TMTC2: variants seen among roughly 807,000 people sequenced by gnomAD.
TMTC2 encodes the protein protein O-mannosyl-transferase TMTC2.
TMTC2 carries 43 observed loss-of-function variants against 82.4 expected under a neutral mutation model. The ratio of observed to expected loss-of-function variants is 0.52; its 90% CI spans 0.41 to 0.67. The LOEUF is 0.67. Among genes scored for constraint, TMTC2 ranks in the 30% least tolerant of loss-of-function variants. TMTC2 has a pLI of 0.00. For synonymous variants in TMTC2, 408 were observed against 381.9 expected, an observed-to-expected ratio of 1.07 and a Z score of -0.80; for missense variants, 919 against 1,012.4, an observed-to-expected ratio of 0.91 and a Z score of 1.25.
intron 2 of TMTC2, among the ~76,000 whole-genome samples, chr12:82,888,691 G>T (rs548876415): frequency 2.0e-5 from 3 of 152,240 alleles, no homozygotes; most frequent in Non-Finnish European, 1.5e-5. Context: ...AAGTTTGAGG[G>T]TCAGACTTAG....
intron 8 of TMTC2, among the ~76,000 whole-genome samples, chr12:83,030,344 A>G (rs933940123): frequency 7.9e-5 from 12 of 152,218 alleles, no homozygotes; most frequent in East Asian, 5.8e-4. Context: ...TTGATGAAAT[A>G]TAATGTTAGG....
chr12:82,875,006 G>A (rs1872407301), intron 2 of TMTC2, among the ~76,000 whole-genome samples: 1 of 152,098 alleles, frequency 6.6e-6, no homozygotes, highest in African/African-American at 2.4e-5. Flanking sequence ...CACTTTCTCT[G>A]TAAAGGCCAG....
At position 83,112,670 on chromosome 12, in the gene TMTC2, C is replaced by G. The variant is rs545459117; in HGVS notation, c.2332-19540C>G. On this transcript the variant is annotated intron_variant, in intron 11 of 11. Transcript: ENST00000321196. ...ATAATGTGTAATAGCAGAAAAGGATCTTGCCTCTGGTTTCTTACATAAAAG... is the reference window on the plus strand; with the variant it reads ...ATAATGTGTAATAGCAGAAAAGGATGTTGCCTCTGGTTTCTTACATAAAAG... 4.6e-5 allele frequency among the ~76,000 whole-genome samples: 7 copies of G among 152,274 alleles called. No homozygotes were observed. In the South Asian group the frequency reaches 1.5e-3, roughly 32 times the overall value.
At chr12:83,040,820 G>A (rs1881863409) in intron 9 of TMTC2, among the ~76,000 whole-genome samples, 1 of 151,916 alleles carries the variant, frequency 6.6e-6, no homozygotes, top group East Asian at 1.9e-4. Flanking sequence ...GAGTAGCTGG[G>A]ACTACAGGTG....
chr12:82,897,651 G>A (rs1307055950), intron 3 of TMTC2, among the ~76,000 whole-genome samples: 1 of 151,962 alleles, frequency 6.6e-6, no homozygotes, highest in Non-Finnish European at 1.5e-5. Context: ...CCAGACTCCA[G>A]AGGCACTGAG....
chr12:82,958,380 C>CA (rs1877736581), intron 4 of TMTC2, among the ~76,000 whole-genome samples: 1 of 75,298 alleles, frequency 1.3e-5, no homozygotes, highest in African/African-American at 6.8e-5. Context: ...ACAAAAAAAA[C>CA]AAAAAAACTA....
chr12:82,987,742 A>G (rs1879222168), intron 8 of TMTC2, among the ~76,000 whole-genome samples: 1 of 152,106 alleles, frequency 6.6e-6, no homozygotes, highest in South Asian at 2.1e-4. Context: ...GGCCAATGGA[A>G]GAGCAGGAAT....
intron 8 of TMTC2, among the ~76,000 whole-genome samples, chr12:82,987,274 A>C (rs1476908969): frequency 1.3e-5 from 2 of 151,962 alleles, no homozygotes; most frequent in Non-Finnish European, 1.5e-5. Flanking sequence ...AAATACAAAA[A>C]TTAGCCAAGG....
chr12:82,715,194 C>G (rs564826146), intron 1 of TMTC2, among the ~76,000 whole-genome samples: 57 of 151,016 alleles, frequency 3.8e-4, no homozygotes, highest in African/African-American at 1.3e-3. Context: ...TGCTTGAACC[C>G]GAGAGGTGGA....
At position 83,058,056 on chromosome 12, in the gene TMTC2, T is replaced by C. The variant is rs138720115; in HGVS notation, c.2268-3712T>C. Reference sequence around the variant, plus strand: ...ATTACATTATTGATTCCCAACTTTCTCTTTACATCTTTCTTTATAAGACTG... The same window carrying C: ...ATTACATTATTGATTCCCAACTTTCCCTTTACATCTTTCTTTATAAGACTG... On this transcript the variant is annotated intron_variant, in intron 10 of 11. Transcript: ENST00000321196. 3.1e-3 allele frequency among the ~76,000 whole-genome samples: 478 copies of C among 151,976 alleles called. 2 individuals are homozygous for C. Among genetic ancestry groups the C allele is most frequent in the African/African-American group, 0.011 (454 of 41,518 alleles).
Position 82,727,303 on chromosome 12 carries a change from A to G in TMTC2, c.83+39634A>G, listed in dbSNP as rs986400670. ...CTGAGATTAAAATTACATCACATAT[A>G]TAACCATTTGTATTCTGCTTGTTGG... On this transcript the variant is annotated intron_variant, in intron 1 of 11. Coordinates refer to ENST00000321196, the MANE Select transcript of TMTC2 (RefSeq NM_152588.3). Among the ~76,000 whole-genome samples, 8 of 152,180 alleles carry G rather than the reference A, an allele frequency of 5.3e-5. 1 individual carries two copies. Among genetic ancestry groups the G allele is most frequent in the Admixed American group, 4.6e-4 (7 of 15,286 alleles).
At position 83,133,975 on chromosome 12, in the gene TMTC2, A is replaced by G. The variant is rs991129145; in HGVS notation, c.*1586A>G. 5.9e-5 allele frequency: 9 copies of G among 152,554 alleles called. No homozygotes were observed. Among genetic ancestry groups the G allele is most frequent in the Non-Finnish European group, 8.8e-5 (6 of 68,024 alleles). The allele number at this position is 152,554 out of a possible 1,614,324, so 9.5% of individuals were successfully genotyped here. A position where few individuals can be genotyped will look rare whatever the true frequency, so the allele number is the denominator to read the frequency against. On this transcript the variant is annotated 3_prime_UTR_variant, in exon 12 of 12. Coordinates refer to ENST00000321196, the MANE Select transcript of TMTC2 (RefSeq NM_152588.3). ...AAGAAGCTGGACATGCAAATACATC[A>G]TATTATGTTTTCTCCATATTTTATG...
intron 9 of TMTC2, among the ~76,000 whole-genome samples, chr12:83,038,659 C>T (rs1053882711): frequency 6.6e-6 from 1 of 151,682 alleles, no homozygotes; most frequent in Non-Finnish European, 1.5e-5. Context: ...GAGACAACTG[C>T]CTATGTTATT....
chr12:82,899,605 AAT>A lies in TMTC2; in HGVS notation c.1483+2971_1483+2972del, dbSNP rs1264923070. 5.4e-4 allele frequency among the ~76,000 whole-genome samples: 71 copies of A among 131,030 alleles called. No individual in the cohort carries two copies. The Middle Eastern group carries it at 0.011, about 21-fold the overall frequency. The allele number at this position is 131,030 out of a possible 152,430, so 86.0% of individuals were successfully genotyped here. On this transcript the variant is annotated intron_variant, in intron 3 of 11. Coordinates refer to ENST00000321196, the MANE Select transcript of TMTC2 (RefSeq NM_152588.3). ...TATATATAAGAATATATATATGTGG[AAT>A]ATATATATATAAGAATATATATATG...
intron 11 of TMTC2, among the ~76,000 whole-genome samples, chr12:83,084,845 A>G (rs1883597017): frequency 6.6e-6 from 1 of 152,210 alleles, no homozygotes; most frequent in Non-Finnish European, 1.5e-5. Flanking sequence ...TGTCAACCAT[A>G]AGACTAAGAG....
At chr12:83,106,764 A>C (rs1884417035) in intron 11 of TMTC2, among the ~76,000 whole-genome samples, 1 of 152,248 alleles carries the variant, frequency 6.6e-6, no homozygotes, top group Non-Finnish European at 1.5e-5. Flanking sequence ...TAAGAAAAAT[A>C]TCTGTAATAC....
intron 1 of TMTC2, among the ~76,000 whole-genome samples, chr12:82,742,665 G>T (rs1028205881): frequency 6.6e-6 from 1 of 151,820 alleles, no homozygotes; most frequent in Non-Finnish European, 1.5e-5. Flanking sequence ...GATTATAGGC[G>T]CCTGCCATCA....
intron 11 of TMTC2, among the ~76,000 whole-genome samples, chr12:83,105,179 C>T (rs1267509528): frequency 6.6e-6 from 1 of 152,190 alleles, no homozygotes; most frequent in East Asian, 1.9e-4. Flanking sequence ...TGGTCACAAC[C>T]ATTTAACCAG....
chr12:82,843,989 G>C (rs1870491780), intron 1 of TMTC2, among the ~76,000 whole-genome samples: 2 of 152,146 alleles, frequency 1.3e-5, no homozygotes, highest in Admixed American at 1.3e-4. Context: ...TCAATTCAGA[G>C]AAGACAGGAG....
Sources: allele counts gnomAD v4.1 joint callset (sites outside exome capture counted in the v4.1 genomes callset), GRCh38; gene constraint gnomAD v4.1.1; transcripts MANE v1.5; gene names NCBI Gene and HGNC (gene_info 2026-07-23, HGNC 2026-07-21).